Variants in MATK observed in about 807,000 individuals in gnomAD.
MATK encodes the protein megakaryocyte-associated tyrosine-protein kinase.
MATK carries 41 observed loss-of-function variants against 59.8 expected under a neutral mutation model. The observed-to-expected ratio is 0.69, with a 90% CI of 0.53 to 0.89. The LOEUF is 0.89. MATK is among the 40% of genes least tolerant of loss of function. The pLI is 0.00. For missense variants in MATK, 593 were observed against 719.6 expected (o/e 0.82, Z 2.01); for synonymous variants, 308 against 306.1 (o/e 1.01, Z -0.06).
At chr19:3,779,284 C>A in intron 11 of MATK, 94 bp downstream of exon 11, 1 of 1,559,342 alleles carries the variant, frequency 6.4e-7, no homozygotes, top group Non-Finnish European at 8.8e-7. Flanking sequence ...GCTCACAAAG[C>A]CTCCCTGCCC....
intron 1 of MATK, among the ~76,000 whole-genome samples, chr19:3,794,490 C>CA (rs1599207797): frequency 6.6e-6 from 1 of 151,998 alleles, no homozygotes; most frequent in African/African-American, 2.4e-5. Flanking sequence ...CCTGTCTCTA[C>CA]AAAAAATAAA....
At chr19:3,788,275 G>A (rs56313028), upstream of MATK, among the ~76,000 whole-genome samples, 1 of 151,308 alleles carries the variant, frequency 6.6e-6, no homozygotes, top group Non-Finnish European at 1.5e-5. Flanking sequence ...GATCACCTGA[G>A]GTCAGGAGTT....
At chr19:3,786,986 G>GGGGATAT, upstream of MATK, among the ~76,000 whole-genome samples, 1 of 152,154 alleles carries the variant, frequency 6.6e-6, no homozygotes, top group Non-Finnish European at 1.5e-5. This position sits in a 1 kb window ranked among gnomAD's most constrained non-coding sequence, Gnocchi z 4.1. Flanking sequence ...TATGGAGGGT[G>GGGGATAT]GGGGCCCCAC....
chr19:3,792,860 G>A (rs1013529560), intron 1 of MATK, among the ~76,000 whole-genome samples: 2 of 152,192 alleles, frequency 1.3e-5, no homozygotes, highest in Non-Finnish European at 2.9e-5. Context: ...GCCGGGGTGG[G>A]GAGGCCACTG....
intron 3 of MATK, 51 bp downstream of exon 3, chr19:3,784,774 G>A (rs745318255): frequency 1.1e-5 from 15 of 1,363,168 alleles, no homozygotes; most frequent in East Asian, 2.5e-5. Flanking sequence ...GGGTGTGGAC[G>A]GAGTTGAAGA....
chr19:3,785,131 G>C lies in MATK; in HGVS notation c.5C>G (p.Ala2Gly). ...CCAGGAAACCAGAGAGCCTCGCCCCGCCATCGCCCCCAGAGGGAAACTGAG... is the reference window on the plus strand; with the variant it reads ...CCAGGAAACCAGAGAGCCTCGCCCCCCCATCGCCCCCAGAGGGAAACTGAG... M[A>G]GRGSLVSWRA... The change falls in exon 2 of 14, where the codon GCG becomes GGG. Residue 2 changes from alanine to glycine, a missense_variant. Transcript: ENST00000310132. 2 of 1,614,028 alleles carry C rather than the reference G, an allele frequency of 1.2e-6. No homozygotes were observed. Among genetic ancestry groups the C allele is most frequent in the Non-Finnish European group, 1.7e-6 (2 of 1,179,974 alleles).
At chr19:3,785,033 C>T (rs1357361912) in intron 2 of MATK, 31 bp downstream of exon 2, 1 of 1,607,682 alleles carries the variant, frequency 6.2e-7, no homozygotes, top group Non-Finnish European at 8.5e-7. Context: ...AGAACTGGCT[C>T]CCCAAGCCCC....
rs1462840746 is a variant in MATK, at chr19:3,783,396, G to GT, written c.583-178dup. 6 of 629,572 alleles carry GT rather than the reference G, an allele frequency of 9.5e-6. No individual in the cohort carries two copies. In the Admixed American group the frequency reaches 1.5e-4, roughly 16 times the overall value. 39.0% of individuals were successfully genotyped at this position (629,572 alleles called of 1,614,324 possible). On this transcript the variant is annotated intron_variant, in intron 6 of 13. Coordinates refer to ENST00000310132, the MANE Select transcript of MATK (RefSeq NM_139355.3). ...AAAGGAGGGGGAGTCCTCTGGATTG[G>GT]TATCAACTTGGGGGGTCCTGGGGGG...
chr19:3,783,881 A>T lies in MATK; in HGVS notation c.515T>A (p.Leu172Gln). The change falls in exon 6 of 14, where the codon CTG (leucine) becomes CAG (glutamine). Residue 172 changes from leucine to glutamine, a missense_variant. Physicochemically the swap from Leu to Gln is moderately radical, Grantham distance 113 (BLOSUM62 -2). Coordinates refer to ENST00000310132, the MANE Select transcript of MATK (RefSeq NM_139355.3). ...GATTGTGAGGTGGCCGTCGCGGTGC[A>T]GCACGCGGTAGTGGATGACGTCGCG... ...FGRDVIHYRVLHRDGHLTIDE... is the reference protein window; with the variant it reads ...FGRDVIHYRVQHRDGHLTIDE... 1 of 1,613,180 alleles carries T rather than the reference A, an allele frequency of 6.2e-7. No individual in the cohort carries two copies. The highest frequency in any genetic ancestry group is 8.5e-7 in the Non-Finnish European group (1 of 1,179,892).
chr19:3,788,100 ATATTATATTATATT>A (rs1568409368), upstream of MATK, among the ~76,000 whole-genome samples: 3,834 of 74,886 alleles, frequency 0.051, 164 homozygotes, highest in East Asian at 0.31. Flanking sequence ...ATTAATATTT[ATATTATATTATATT>A]ATATTATATT....
rs2066766 is a variant in MATK, at chr19:3,779,504, G to GC, written c.927+28dup. On this transcript the variant is annotated intron_variant, in intron 10 of 13. Coordinates refer to ENST00000310132, the MANE Select transcript of MATK (RefSeq NM_139355.3). ...ATGTTGGGGCTGCTCCGCTGCGTGG[G>GC]CCCCCTCCCCGCCTGGGCCCCGCCC... 7.9e-3 allele frequency: 12,754 copies of GC among 1,610,512 alleles called. 538 individuals carry two copies. In the African/African-American group the frequency reaches 0.11, roughly 14 times the overall value.
In MATK at chr19:3,778,250, C is replaced by T. The variant is rs1269068447; in HGVS notation, c.1457G>A (p.Gly486Asp). The T allele has an allele frequency of 6.3e-7, 1 of 1,577,204 alleles. No individual in the cohort carries two copies. Among genetic ancestry groups the T allele is most frequent in the African/African-American group, 1.4e-5 (1 of 72,724 alleles). Reference sequence around the variant, plus strand: ...CTGCCCTGAGACGGAGGCTGGGGCACCTGCACTGCGTAGCTCCCGGGCCAG... The same window carrying T: ...CTGCCCTGAGACGGAGGCTGGGGCATCTGCACTGCGTAGCTCCCGGGCCAG... Reference protein sequence around the residue: ...EKLARELRSAGAPASVSGQDA... With the variant: ...EKLARELRSADAPASVSGQDA... Residue 486 changes from glycine (G) to aspartate (D), a missense_variant, in exon 14 of 14, where the codon GGT (glycine) becomes GAT (aspartate). Coordinates refer to ENST00000310132, the MANE Select transcript of MATK (RefSeq NM_139355.3).
At chr19:3,783,545 GTCC>G (rs746650947) in intron 6 of MATK, among the ~76,000 whole-genome samples, 11 of 151,962 alleles carry the variant, frequency 7.2e-5, no homozygotes, top group Admixed American at 5.2e-4. Context: ...TACTGTGGGG[GTCC>G]TCCTGTCTGC....
chr19:3,783,396 G>C (rs2037429478), intron 6 of MATK, 177 bp from the exon 7 acceptor site: 1 of 629,572 alleles, frequency 1.6e-6, no homozygotes, highest in South Asian at 1.8e-5. Context: ...CTCTGGATTG[G>C]TATCAACTTG....
chr19:3,784,954 C>T, intron 2 of MATK, 70 bp from the exon 3 acceptor site: 1 of 1,432,542 alleles, frequency 7.0e-7, no homozygotes, highest in Non-Finnish European at 9.8e-7. Context: ...CACTTCCAGC[C>T]CAGGTCAGGT....
chr19:3,800,683 G>C (rs2037635625), intron 1 of MATK, among the ~76,000 whole-genome samples: 1 of 152,056 alleles, frequency 6.6e-6, no homozygotes, highest in Non-Finnish European at 1.5e-5. Flanking sequence ...AAGGGAAATG[G>C]AGTGTTCACA....
intron 8 of MATK, among the ~76,000 whole-genome samples, chr19:3,780,306 CAAAG>C (rs1026242342): frequency 7.2e-5 from 11 of 152,222 alleles, no homozygotes; most frequent in East Asian, 5.8e-4. Context: ...AAAACAAAAA[CAAAG>C]AGAGAACCAT....
chr19:3,783,016 A>G, intron 7 of MATK, 110 bp downstream of exon 7: 1 of 935,914 alleles, frequency 1.1e-6, no homozygotes, highest in South Asian at 1.4e-5. Flanking sequence ...CTGGGCATGG[A>G]GACAGGCTTG....
intron 1 of MATK, among the ~76,000 whole-genome samples, chr19:3,792,467 C>T (rs1167063532): frequency 6.6e-6 from 1 of 151,492 alleles, no homozygotes; most frequent in Non-Finnish European, 1.5e-5. Context: ...GGACTGGGCT[C>T]CTGCCTCTTG....
Sources: allele counts gnomAD v4.1 joint callset (sites outside exome capture counted in the v4.1 genomes callset), GRCh38; gene constraint gnomAD v4.1.1; non-coding constraint Gnocchi (gnomAD v3.1); transcripts MANE v1.5; gene names NCBI Gene and HGNC (gene_info 2026-07-23, HGNC 2026-07-21).